The following DPP10 variants were observed in gnomAD, a reference collection of about 807,000 sequenced individuals.
The protein encoded by DPP10 is dipeptidyl peptidase like 10, also known as inactive dipeptidyl peptidase 10.
DPP10 carries 33 observed loss-of-function variants against 120.9 expected under a neutral mutation model. That is an observed-to-expected ratio of 0.27 (90% CI 0.21 to 0.37). The LOEUF (loss-of-function observed/expected upper bound fraction) is 0.37. DPP10 is among the 10% of genes least tolerant of loss of function. The pLI, the probability that DPP10 is intolerant of heterozygous loss-of-function variation, is 1.00. For missense variants in DPP10, 816 were observed against 942.8 expected (o/e 0.87, Z 1.76); for synonymous variants, 337 against 326.1 (o/e 1.03, Z -0.36).
intron 3 of DPP10, among the ~76,000 whole-genome samples, chr2:115,459,227 T>C (rs576554584): frequency 6.6e-6 from 1 of 151,858 alleles, no homozygotes; most frequent in East Asian, 1.9e-4. Flanking sequence ...CACAATGTGG[T>C]CTCACTGCAA....
At position 115,794,371 on chromosome 2, in the gene DPP10, A is replaced by G. The variant is rs183422582; in HGVS notation, c.1700+3015A>G. ...GAAAGTGGCCTCTGGCAATTTGGAA[A>G]CCCAGTTCTGCTCAATCTTCATTAT... On this transcript the variant is annotated intron_variant, in intron 19 of 25. Transcript: ENST00000410059. Among the ~76,000 whole-genome samples the G allele has an allele frequency of 2.6e-4, 39 of 152,246 alleles. 1 individual carries two copies. In the East Asian group the frequency reaches 7.0e-3, roughly 27 times the overall value.
At chr2:115,595,450 C>T (rs1270109047) in intron 5 of DPP10, among the ~76,000 whole-genome samples, 4 of 152,030 alleles carry the variant, frequency 2.6e-5, no homozygotes, top group Non-Finnish European at 5.9e-5. Flanking sequence ...TTTATAGACC[C>T]TTTTATAAAC....
chr2:115,644,432 G>A (rs976356669), intron 5 of DPP10, among the ~76,000 whole-genome samples: 5 of 151,952 alleles, frequency 3.3e-5, no homozygotes, highest in Non-Finnish European at 5.9e-5. Context: ...TTGTCCTTGC[G>A]ATAGTTTGCT....
intron 1 of DPP10, among the ~76,000 whole-genome samples, chr2:115,147,836 T>A (rs1283564783): frequency 6.6e-6 from 1 of 152,086 alleles, no homozygotes; most frequent in Non-Finnish European, 1.5e-5. Context: ...GTGAAAAGAA[T>A]GTGTATTTGG....
At chr2:114,605,692 C>T (rs1692729951) in intron 1 of DPP10, among the ~76,000 whole-genome samples, 1 of 151,996 alleles carries the variant, frequency 6.6e-6, no homozygotes, top group Admixed American at 6.6e-5. Context: ...TAACTGTAAT[C>T]AAGACCTGAC....
rs575627291 is a variant in DPP10 at position 115,227,047 on chromosome 2, A to G, written c.61-82192A>G. On this transcript the variant is annotated intron_variant, in intron 1 of 25. Transcript: ENST00000410059. ...ATCTAAAAATTCCATATAAATAGCTATGTTTGTAGGTTGTTCTCTTAGGCT... is the reference window on the plus strand; with the variant it reads ...ATCTAAAAATTCCATATAAATAGCTGTGTTTGTAGGTTGTTCTCTTAGGCT... 3.3e-5 allele frequency among the ~76,000 whole-genome samples: 5 copies of G among 152,274 alleles called. No homozygotes were observed. In the South Asian group the frequency reaches 6.2e-4, roughly 19 times the overall value.
intron 5 of DPP10, among the ~76,000 whole-genome samples, chr2:115,585,023 A>G (rs2082206508): frequency 6.6e-6 from 1 of 152,240 alleles, no homozygotes; most frequent in Non-Finnish European, 1.5e-5. Flanking sequence ...CATTGGCCAT[A>G]ATTATACCAA....
chr2:114,814,776 C>T (rs1300834594), intron 1 of DPP10, among the ~76,000 whole-genome samples: 1 of 152,178 alleles, frequency 6.6e-6, no homozygotes, highest in Admixed American at 6.5e-5. Context: ...TTTATTGTTT[C>T]TTCTTCAATT....
At chr2:114,636,979 T>C (rs1399473127) in intron 1 of DPP10, among the ~76,000 whole-genome samples, 1 of 151,958 alleles carries the variant, frequency 6.6e-6, no homozygotes, top group African/African-American at 2.4e-5. Context: ...TGACTGGAGA[T>C]ACAAATATAG....
At chr2:115,467,609 G>T (rs894117054) in intron 3 of DPP10, among the ~76,000 whole-genome samples, 1 of 151,876 alleles carries the variant, frequency 6.6e-6, no homozygotes, top group Non-Finnish European at 1.5e-5. Flanking sequence ...GAAAAAAAGA[G>T]AAAATTAACT....
intron 1 of DPP10, among the ~76,000 whole-genome samples, chr2:115,195,477 G>T (rs2055191760): frequency 6.6e-6 from 1 of 152,102 alleles, no homozygotes; most frequent in African/African-American, 2.4e-5. Flanking sequence ...TCAAAAATCT[G>T]TCCAGCTATT....
At chr2:115,646,098 G>A (rs115405094) in intron 5 of DPP10, among the ~76,000 whole-genome samples, 10 of 150,616 alleles carry the variant, frequency 6.6e-5, no homozygotes, top group African/African-American at 2.2e-4. Flanking sequence ...ACACATGCAC[G>A]TGCGTGCGCG....
At chr2:114,983,213 G>A (rs929474440) in intron 1 of DPP10, among the ~76,000 whole-genome samples, 1 of 152,034 alleles carries the variant, frequency 6.6e-6, no homozygotes, top group Non-Finnish European at 1.5e-5. Flanking sequence ...TTAAATCAGG[G>A]TTATCAGAAA....
intron 1 of DPP10, among the ~76,000 whole-genome samples, chr2:114,617,733 C>T (rs187177226): frequency 2.3e-4 from 35 of 152,150 alleles, no homozygotes; most frequent in South Asian, 4.1e-4. Context: ...AGTGGGTATG[C>T]GAGTAAATTC....
At chr2:115,261,214 TG>T (rs1381446866) in intron 1 of DPP10, among the ~76,000 whole-genome samples, 1 of 152,230 alleles carries the variant, frequency 6.6e-6, no homozygotes, top group Non-Finnish European at 1.5e-5. Flanking sequence ...GCCGGATCTA[TG>T]CCATTTTGGA....
At chr2:115,296,687 G>T (rs899724410) in intron 1 of DPP10, among the ~76,000 whole-genome samples, 3 of 152,084 alleles carry the variant, frequency 2.0e-5, no homozygotes, top group Admixed American at 6.6e-5. Flanking sequence ...CCACAGTGCT[G>T]AGTATTTTTA....
chr2:115,469,459 A>G lies in DPP10; in HGVS notation c.272-30051A>G, dbSNP rs74488514. On this transcript the variant is annotated intron_variant, in intron 3 of 25. Coordinates refer to ENST00000410059, the MANE Select transcript of DPP10 (RefSeq NM_020868.6). The stretch of plus-strand genomic sequence containing the variant: ...GCCTATAATCAGTTTTAAAGTTCTG[A>G]TATTTAGAGTGTGCTGCCTCTCTAC... 2.8e-4 allele frequency among the ~76,000 whole-genome samples: 42 copies of G among 152,294 alleles called. No individual in the cohort carries two copies. The East Asian group carries it at 7.7e-3, about 28-fold the overall frequency.
intron 1 of DPP10, among the ~76,000 whole-genome samples, chr2:115,007,786 GACAA>G (rs1367949900): frequency 8.4e-4 from 125 of 148,784 alleles, no homozygotes; most frequent in Admixed American, 3.9e-3. Context: ...ACCAACAACA[GACAA>G]ACAGAGAGCC....
intron 1 of DPP10, among the ~76,000 whole-genome samples, chr2:115,293,060 G>A (rs1018249550): frequency 1.3e-5 from 2 of 152,054 alleles, no homozygotes; most frequent in Admixed American, 1.3e-4. Context: ...CACATTAAAT[G>A]GTTCCATCTC....
Sources: allele counts gnomAD v4.1 joint callset (sites outside exome capture counted in the v4.1 genomes callset), GRCh38; gene constraint gnomAD v4.1.1; transcripts MANE v1.5; gene names NCBI Gene and HGNC (gene_info 2026-07-23, HGNC 2026-07-21).